The following RNF169 variants were observed in gnomAD, a reference collection of about 807,000 sequenced individuals.
The protein encoded by RNF169 is ring finger protein 169.
RNF169 carries 24 observed loss-of-function variants against 53.9 expected under a neutral mutation model. The ratio of observed to expected loss-of-function variants is 0.45; its 90% CI spans 0.32 to 0.63. The LOEUF (loss-of-function observed/expected upper bound fraction) is 0.63. Among genes scored for constraint, RNF169 ranks in the 20% least tolerant of loss-of-function variants. The pLI is 0.04. For synonymous variants in RNF169, 396 were observed against 363.5 expected, an observed-to-expected ratio of 1.09 and a Z score of -1.02; for missense variants, 883 against 906.2, an observed-to-expected ratio of 0.97 and a Z score of 0.33.
chr11:74,819,751 T>C (rs1476223003), intron 4 of RNF169, among the ~76,000 whole-genome samples: 1 of 152,220 alleles, frequency 6.6e-6, no homozygotes, highest in Non-Finnish European at 1.5e-5. Context: ...GTGACCACAT[T>C]GATAAAATTT....
At position 74,836,744 on chromosome 11, in the gene RNF169, G is replaced by A. The variant is rs1285088059; in HGVS notation, c.*14G>A. On this transcript the variant is annotated 3_prime_UTR_variant, in exon 6 of 6. Transcript: ENST00000299563. ...GGGGCCAAGTAGCACCTAATGAAGT[G>A]TTACCTATTTTTAAAAGGTCTTAGG... 2 of 1,579,100 alleles carry A rather than the reference G, an allele frequency of 1.3e-6. No individual in the cohort carries two copies. The highest frequency in any genetic ancestry group is 1.3e-5 in the African/African-American group (1 of 74,234).
Position 74,814,700 on chromosome 11 carries a change from G to A in RNF169, c.724-2896G>A, listed in dbSNP as rs1410449614. Among the ~76,000 whole-genome samples, 3 of 152,014 alleles carry A rather than the reference G, an allele frequency of 2.0e-5. No homozygotes were observed. In the East Asian group the frequency reaches 5.8e-4, roughly 29 times the overall value. On this transcript the variant is annotated intron_variant, in intron 3 of 5. Transcript: ENST00000299563. ...GCCACCATGCCCGGCCTGTTTTTGT[G>A]TGTGTAAATAAAGAATCCACATCAT...
In RNF169 at chr11:74,839,754, G is replaced by A. The variant is rs530204684; in HGVS notation, c.*3024G>A. On this transcript the variant is annotated 3_prime_UTR_variant, in exon 6 of 6. Transcript: ENST00000299563. ...CCATAGAGAGGGAAAGAAACTTTGA[G>A]AAAATGTTCTTGACCCATTGATTGT... 59 of 152,278 alleles carry A rather than the reference G, an allele frequency of 3.9e-4. No homozygotes were observed. Among genetic ancestry groups the A allele is most frequent in the African/African-American group, 1.4e-3 (57 of 41,540 alleles). The allele number at this position is 152,278 out of a possible 1,614,324, so 9.4% of individuals were successfully genotyped here. A position where few individuals can be genotyped will look rare whatever the true frequency, so the allele number is the denominator to read the frequency against.
intron 3 of RNF169, among the ~76,000 whole-genome samples, chr11:74,814,243 T>C (rs899179520): frequency 1.3e-5 from 2 of 151,872 alleles, no homozygotes; most frequent in Non-Finnish European, 2.9e-5. Flanking sequence ...GGCAGGAGAA[T>C]TGCTTGAACC....
intron 3 of RNF169, among the ~76,000 whole-genome samples, chr11:74,815,589 A>T (rs557648830): frequency 6.6e-6 from 1 of 152,354 alleles, no homozygotes; most frequent in South Asian, 2.1e-4. Flanking sequence ...TATCTGTTAT[A>T]AAACGGAAAT....
At position 74,840,761 on chromosome 11, in the gene RNF169, A is replaced by T. The variant is rs2036397325; in HGVS notation, c.*4031A>T. ...ATGGGCATGGAAATCATCCAAGTTA[A>T]ACTTCTTCTCTGCCCCCCGCCCCCA... On this transcript the variant is annotated 3_prime_UTR_variant, in exon 6 of 6. Transcript: ENST00000299563. 6.6e-6 allele frequency: 1 copy of T among 151,782 alleles called. No individual in the cohort carries two copies. Among genetic ancestry groups the T allele is most frequent in the South Asian group, 2.1e-4 (1 of 4,804 alleles). The allele number at this position is 151,782 out of a possible 1,614,324, so 9.4% of individuals were successfully genotyped here.
rs201044415 is a variant in RNF169 at position 74,836,452 on chromosome 11, T to G, written c.1849T>G (p.Ser617Ala). The G allele has an allele frequency of 1.2e-6, 2 of 1,614,208 alleles. No homozygotes were observed. The highest frequency in any genetic ancestry group is 2.7e-5 in the African/African-American group (2 of 75,058). Reference protein sequence around the residue: ...VESLSEEPLPSLRRGRKRHCK... With the variant: ...VESLSEEPLPALRRGRKRHCK... The stretch of plus-strand genomic sequence containing the variant: ...GAGCCTAAGTGAAGAGCCACTTCCT[T>G]CTTTGCGTCGAGGCCGGAAAAGACA... The change falls in exon 6 of 6, where the codon TCT (serine) becomes GCT (alanine). Residue 617 changes from serine to alanine, a missense_variant. Physicochemically the swap from Ser to Ala is moderately conservative, Grantham distance 99 (BLOSUM62 1). Around this residue, in one of 3 missense-constraint regions of RNF169, gnomAD observed 351 missense variants for 337.3 expected, o/e 1.04. Coordinates refer to ENST00000299563, the MANE Select transcript of RNF169 (RefSeq NM_001098638.2).
At chr11:74,835,474 T>TCATAAAGGAATGATGAAGGA in intron 5 of RNF169, 72 bp from the exon 6 acceptor site, 1 of 1,184,818 alleles carries the variant, frequency 8.4e-7, no homozygotes, top group Admixed American at 2.0e-5. Flanking sequence ...GCCTCCACCA[T>TCATAAAGGAATGATGAAGGA]CATAAAGGAA....
At chr11:74,828,519 A>G (rs535170095) in intron 4 of RNF169, among the ~76,000 whole-genome samples, 344 of 152,326 alleles carry the variant, frequency 2.3e-3, no homozygotes, top group African/African-American at 8.0e-3. Flanking sequence ...TAAAATTCAT[A>G]TGGAACCTGA....
chr11:74,749,014 C>T lies in RNF169; in HGVS notation c.134C>T (p.Pro45Leu). ...KTGAPGPASG[P>L]SLLVLSPPLL... ...GGGGCCCCAGGCCCGGCTTCTGGAC[C>T]TTCGCTGTTGGTGTTGTCGCCGCCG... Residue 45 changes from proline to leucine, a missense_variant, in exon 1 of 6, where the codon CCT becomes CTT. Pro to Leu is a moderately conservative substitution (Grantham distance 98). Around this residue, in one of 3 missense-constraint regions of RNF169, gnomAD observed 313 missense variants for 279.9 expected, o/e 1.12. Transcript: ENST00000299563. 6.7e-7 allele frequency: 1 copy of T among 1,498,078 alleles called. No homozygotes were observed. Among genetic ancestry groups the T allele is most frequent in the Non-Finnish European group, 8.9e-7 (1 of 1,120,782 alleles). The allele number at this position is 1,498,078 out of a possible 1,614,324, so 92.8% of individuals were successfully genotyped here.
At chr11:74,760,321 T>C (rs199605506) in intron 1 of RNF169, among the ~76,000 whole-genome samples, 1 of 152,200 alleles carries the variant, frequency 6.6e-6, no homozygotes, top group Non-Finnish European at 1.5e-5. Flanking sequence ...TCAGTTCTGC[T>C]CTGATTTTAG....
At position 74,841,527 on chromosome 11, in the gene RNF169, T is replaced by C. The variant is rs1423794359; in HGVS notation, c.*4797T>C. ...TGTTCTATGTATTATCAGTATTTTT[T>C]TCCTCTTAAGAAAAAAATTTACTCT... On this transcript the variant is annotated 3_prime_UTR_variant, in exon 6 of 6. Coordinates refer to ENST00000299563, the MANE Select transcript of RNF169 (RefSeq NM_001098638.2). 1 of 152,194 alleles carries C rather than the reference T, an allele frequency of 6.6e-6. No homozygotes were observed. The highest frequency in any genetic ancestry group is 2.4e-5 in the African/African-American group (1 of 41,442). 9.4% of individuals were successfully genotyped at this position (152,194 alleles called of 1,614,324 possible).
chr11:74,754,502 G>A (rs1413112598), intron 1 of RNF169, among the ~76,000 whole-genome samples: 1 of 152,010 alleles, frequency 6.6e-6, no homozygotes, highest in Non-Finnish European at 1.5e-5. Flanking sequence ...TTTTATCTTC[G>A]TGGTGTTAAA....
chr11:74,757,096 A>G lies in RNF169; in HGVS notation c.502+7714A>G, dbSNP rs1309577696. On this transcript the variant is annotated intron_variant, in intron 1 of 5. Coordinates refer to ENST00000299563, the MANE Select transcript of RNF169 (RefSeq NM_001098638.2). ...TGTGCCATGCTGGTGCGCTGCACCC[A>G]CTAACTCGTCATCTAGCATTAGGTA... is the stretch of plus-strand genomic sequence containing the variant. Among the ~76,000 whole-genome samples, 3 of 137,046 alleles carry G rather than the reference A, an allele frequency of 2.2e-5. No homozygotes were observed. In the East Asian group the frequency reaches 6.4e-4, roughly 29 times the overall value. 89.9% of individuals were successfully genotyped at this position (137,046 alleles called of 152,430 possible).
At chr11:74,818,395 T>C (rs1180755880) in intron 4 of RNF169, among the ~76,000 whole-genome samples, 1 of 152,106 alleles carries the variant, frequency 6.6e-6, no homozygotes, top group Non-Finnish European at 1.5e-5. Flanking sequence ...GATGTAAAGA[T>C]ACAATCTTTT....
rs749986832 is a variant in RNF169, at chr11:74,836,009, T to C, written c.1406T>C (p.Ile469Thr). 3 of 1,614,172 alleles carry C rather than the reference T, an allele frequency of 1.9e-6. No individual in the cohort carries two copies. The highest frequency in any genetic ancestry group is 2.2e-5 in the South Asian group (2 of 91,074). ...GAAGAGTTACTAGGCTCTGAAGGTA[T>C]CCATTCTAGCAAGGAGAAGCCACTT... is the stretch of plus-strand genomic sequence containing the variant. ...MGEELLGSEG[I>T]HSSKEKPLVA... is the part of the protein sequence containing the mutation. The change falls in exon 6 of 6, where the codon ATC becomes ACC. Residue 469 changes from isoleucine (I) to threonine (T), a missense_variant. By Grantham distance (89) the Ile-to-Thr change is moderately conservative (BLOSUM62 -1). Transcript: ENST00000299563.
chr11:74,807,380 C>T (rs1014906835), intron 2 of RNF169, among the ~76,000 whole-genome samples: 1 of 152,076 alleles, frequency 6.6e-6, no homozygotes, highest in Non-Finnish European at 1.5e-5. Context: ...CCAGCTATTG[C>T]AGCACTTTAT....
chr11:74,784,519 C>G (rs893988999), intron 1 of RNF169, among the ~76,000 whole-genome samples: 1 of 152,238 alleles, frequency 6.6e-6, no homozygotes, highest in African/African-American at 2.4e-5. Context: ...CTGAAGTCCT[C>G]TCTCAGTGGA....
At chr11:74,819,748 C>T (rs1407496558) in intron 4 of RNF169, among the ~76,000 whole-genome samples, 1 of 152,150 alleles carries the variant, frequency 6.6e-6, no homozygotes, top group Non-Finnish European at 1.5e-5. Flanking sequence ...CTAGTGACCA[C>T]ATTGATAAAA....
Sources: allele counts gnomAD v4.1 joint callset (sites outside exome capture counted in the v4.1 genomes callset), GRCh38; gene constraint gnomAD v4.1.1; regional missense constraint gnomAD v4.1.1; transcripts MANE v1.5; gene names NCBI Gene and HGNC (gene_info 2026-07-23, HGNC 2026-07-21).